Variants in PRKCE observed in about 807,000 individuals in gnomAD.
The protein encoded by PRKCE is protein kinase C epsilon type.
PRKCE carries 16 observed loss-of-function variants against 85.4 expected under a neutral mutation model. That is an observed-to-expected ratio of 0.19 (90% confidence interval 0.13 to 0.28). The LOEUF is 0.28. PRKCE is among the 10% of genes least tolerant of loss of function. PRKCE has a pLI of 1.00. For missense variants in PRKCE, 573 were observed against 975.2 expected (o/e 0.59, Z 5.49); for synonymous variants, 388 against 371.5 (o/e 1.04, Z -0.51).
intron 2 of PRKCE, among the ~76,000 whole-genome samples, chr2:45,975,978 C>T (rs1410403739): frequency 6.6e-6 from 1 of 152,204 alleles, no homozygotes; most frequent in Non-Finnish European, 1.5e-5. Context: ...CTCTAAGCCA[C>T]CCCCTGTGGC....
chr2:45,689,012 C>G (rs998587834), intron 1 of PRKCE, among the ~76,000 whole-genome samples: 3 of 152,100 alleles, frequency 2.0e-5, no homozygotes, highest in African/African-American at 7.2e-5. Context: ...CATAAGAACA[C>G]AAGGAAAAAT....
At chr2:45,864,046 A>G (rs1027905977) in intron 2 of PRKCE, among the ~76,000 whole-genome samples, 1 of 152,128 alleles carries the variant, frequency 6.6e-6, no homozygotes, top group African/African-American at 2.4e-5. Context: ...TGCCCTTCCT[A>G]CAGCTACTTT....
At chr2:45,879,252 A>T (rs1378359017) in intron 2 of PRKCE, among the ~76,000 whole-genome samples, 1 of 152,206 alleles carries the variant, frequency 6.6e-6, no homozygotes, top group Admixed American at 6.5e-5. Flanking sequence ...TTCGAAGAAG[A>T]GTCCAGCCGA....
At chr2:45,801,383 C>G (rs1344986404) in intron 1 of PRKCE, among the ~76,000 whole-genome samples, 4 of 100,682 alleles carry the variant, frequency 4.0e-5, no homozygotes, top group Non-Finnish European at 7.3e-5. Context: ...ATTTAGATTG[C>G]TGTTCTGGAA....
chr2:46,117,192 C>T (rs1380729449), intron 11 of PRKCE, among the ~76,000 whole-genome samples: 1 of 152,178 alleles, frequency 6.6e-6, no homozygotes, highest in Non-Finnish European at 1.5e-5. Flanking sequence ...CTTTTTTAAA[C>T]CAACATACCA....
At chr2:46,180,647 A>C (rs1245172121) in intron 14 of PRKCE, among the ~76,000 whole-genome samples, 3 of 152,212 alleles carry the variant, frequency 2.0e-5, no homozygotes, top group African/African-American at 7.2e-5. Context: ...CACGAATGCT[A>C]AGATTTGAAG....
chr2:45,904,839 A>G (rs1696853005), intron 2 of PRKCE, among the ~76,000 whole-genome samples: 1 of 152,142 alleles, frequency 6.6e-6, no homozygotes, highest in South Asian at 2.1e-4. Flanking sequence ...TCCTGATGGC[A>G]GGGACCCATG....
intron 14 of PRKCE, among the ~76,000 whole-genome samples, chr2:46,166,001 G>A (rs1678301189): frequency 6.6e-6 from 1 of 152,226 alleles, no homozygotes; most frequent in Admixed American, 6.5e-5. Flanking sequence ...AGTCTCTCCA[G>A]GTAGGTGAGC....
chr2:46,177,750 A>G (rs1679563200), intron 14 of PRKCE, among the ~76,000 whole-genome samples: 1 of 152,258 alleles, frequency 6.6e-6, no homozygotes, highest in Admixed American at 6.5e-5. Context: ...AATTCAACTC[A>G]TAACATGGTA....
At chr2:45,931,767 C>T (rs994048275) in intron 2 of PRKCE, among the ~76,000 whole-genome samples, 16 of 151,958 alleles carry the variant, frequency 1.1e-4, no homozygotes, top group African/African-American at 1.5e-4. Flanking sequence ...AGTGCAGTGG[C>T]GCGATTTCGG....
intron 10 of PRKCE, among the ~76,000 whole-genome samples, chr2:46,028,472 C>A (rs1707289261): frequency 6.6e-6 from 1 of 152,096 alleles, no homozygotes; most frequent in Admixed American, 6.5e-5. Context: ...TAAATTGAAC[C>A]TTTTAAACTG....
chr2:45,823,522 A>AC (rs1689704762), intron 1 of PRKCE, among the ~76,000 whole-genome samples: 2 of 152,232 alleles, frequency 1.3e-5, no homozygotes. Flanking sequence ...ATTTTCTTCT[A>AC]CTTGACTAAT....
intron 10 of PRKCE, among the ~76,000 whole-genome samples, chr2:46,070,923 A>G (rs2103730876): frequency 6.6e-6 from 1 of 152,358 alleles, no homozygotes; most frequent in South Asian, 2.1e-4. Context: ...TGCTCAATAA[A>G]TGATAGCCAT....
intron 1 of PRKCE, among the ~76,000 whole-genome samples, chr2:45,790,308 G>A (rs1207455706): frequency 2.6e-5 from 4 of 152,186 alleles, no homozygotes; most frequent in African/African-American, 9.7e-5. Flanking sequence ...AGATTCAGGG[G>A]AAAAGATAAT....
rs34322525 is a variant in PRKCE at position 45,662,692 on chromosome 2, C to CT, written c.348+10254dup. On this transcript the variant is annotated intron_variant, in intron 1 of 14. Coordinates refer to ENST00000306156, the MANE Select transcript of PRKCE (RefSeq NM_005400.3). Reference sequence around the variant, plus strand: ...TCCCCTGCAAAAGGGCCAGCTCCTGCTTTTTTTTTTCCCTCTTTGCCTTTC... The same window carrying CT: ...TCCCCTGCAAAAGGGCCAGCTCCTGCTTTTTTTTTTTCCCTCTTTGCCTTTC... 1.6e-3 allele frequency among the ~76,000 whole-genome samples: 242 copies of CT among 148,992 alleles called. 3 individuals carry two copies. The highest frequency in any genetic ancestry group is 9.9e-3 in the South Asian group (47 of 4,724).
chr2:45,825,319 G>T (rs373261016), intron 1 of PRKCE, among the ~76,000 whole-genome samples: 6 of 152,214 alleles, frequency 3.9e-5, no homozygotes, highest in African/African-American at 1.4e-4. Flanking sequence ...TGGGACTTGG[G>T]GGGGCCCTGC....
At chr2:46,010,161 C>A (rs1705542215) in intron 9 of PRKCE, among the ~76,000 whole-genome samples, 183 bp from the exon 10 acceptor site, 1 of 152,204 alleles carries the variant, frequency 6.6e-6, no homozygotes, top group African/African-American at 2.4e-5. Flanking sequence ...CTCCTGGGCT[C>A]AAATGATCCT....
chr2:45,864,890 A>G (rs1693459544), intron 2 of PRKCE, among the ~76,000 whole-genome samples: 1 of 152,120 alleles, frequency 6.6e-6, no homozygotes, highest in Non-Finnish European at 1.5e-5. Flanking sequence ...AGAATACATC[A>G]ACATCACCTG....
intron 14 of PRKCE, among the ~76,000 whole-genome samples, chr2:46,172,391 G>T (rs1408693794): frequency 6.6e-6 from 1 of 152,348 alleles, no homozygotes; most frequent in South Asian, 2.1e-4. Flanking sequence ...GCCCCATGTG[G>T]CTGGAATGTA....
Sources: gnomAD v4.1 joint callset for allele counts (sites outside exome capture counted in the v4.1 genomes callset) on GRCh38, gnomAD v4.1.1 for gene constraint, MANE v1.5 for transcripts, NCBI Gene and HGNC (gene_info 2026-07-23, HGNC 2026-07-21) for gene names.